Variants in CSGALNACT1 observed in about 807,000 individuals in gnomAD.
CSGALNACT1 encodes chondroitin sulfate N-acetylgalactosaminyltransferase 1, also known as beta4GalNAcT-1.
A neutral mutation model predicts 51.0 loss-of-function variants in CSGALNACT1; 52 were observed. The observed-to-expected ratio is 1.02, with a 90% CI of 0.82 to 1.29. The LOEUF is 1.29. CSGALNACT1 is among the 50% of genes most tolerant of loss of function. The pLI is 0.00. For synonymous variants in CSGALNACT1, 341 were observed against 254.4 expected, an observed-to-expected ratio of 1.34 and a Z score of -3.24; for missense variants, 935 against 679.2, an observed-to-expected ratio of 1.38 and a Z score of -4.19.
At chr8:19,570,235 A>G (rs1395923015) in intron 3 of CSGALNACT1, among the ~76,000 whole-genome samples, 1 of 152,214 alleles carries the variant, frequency 6.6e-6, no homozygotes, top group African/African-American at 2.4e-5. Flanking sequence ...GAAAGGTAAG[A>G]AACAAAAAGT....
chr8:19,668,391 G>A (rs2059549817), intron 1 of CSGALNACT1, among the ~76,000 whole-genome samples: 2 of 151,906 alleles, frequency 1.3e-5, no homozygotes. Context: ...CATTCCACAT[G>A]AGCCTTTGTT....
intron 1 of CSGALNACT1, among the ~76,000 whole-genome samples, chr8:19,737,456 G>C (rs2064052028): frequency 6.6e-6 from 1 of 151,912 alleles, no homozygotes; most frequent in Admixed American, 6.6e-5. Context: ...CTTTCTTTTA[G>C]GAAAAAGAAA....
intron 3 of CSGALNACT1, among the ~76,000 whole-genome samples, chr8:19,533,104 T>C (rs1428974598): frequency 6.6e-6 from 1 of 152,144 alleles, no homozygotes; most frequent in Non-Finnish European, 1.5e-5. Context: ...TTAAAGCAGT[T>C]TGACGTTTTT....
intron 1 of CSGALNACT1, among the ~76,000 whole-genome samples, chr8:19,636,689 G>C (rs2056111309): frequency 6.6e-6 from 1 of 151,952 alleles, no homozygotes; most frequent in African/African-American, 2.4e-5. Flanking sequence ...TCCCCAAATG[G>C]AGTGAGAACT....
intron 4 of CSGALNACT1, among the ~76,000 whole-genome samples, chr8:19,504,481 G>T (rs2076953422): frequency 6.6e-6 from 1 of 152,170 alleles, no homozygotes; most frequent in East Asian, 1.9e-4. Flanking sequence ...CAATAGATAA[G>T]TTAAAAAGAC....
At chr8:19,583,658 A>C (rs1372577992) in intron 3 of CSGALNACT1, among the ~76,000 whole-genome samples, 1 of 152,132 alleles carries the variant, frequency 6.6e-6, no homozygotes, top group Non-Finnish European at 1.5e-5. Context: ...AACATCATCA[A>C]CCATTACTCT....
At chr8:19,734,681 C>T (rs999127687) in intron 1 of CSGALNACT1, among the ~76,000 whole-genome samples, 2 of 152,140 alleles carry the variant, frequency 1.3e-5, no homozygotes, top group African/African-American at 4.8e-5. Context: ...GGCTGAATGT[C>T]TGAGAGGTCA....
chr8:19,417,366 A>G (rs1379275883), intron 8 of CSGALNACT1, among the ~76,000 whole-genome samples: 2 of 152,208 alleles, frequency 1.3e-5, no homozygotes, highest in Non-Finnish European at 2.9e-5. Context: ...GAGGGCCCCA[A>G]AGTTGAAACT....
chr8:19,464,642 CCTG>C (rs997370151), intron 4 of CSGALNACT1, among the ~76,000 whole-genome samples: 4 of 152,042 alleles, frequency 2.6e-5, no homozygotes, highest in African/African-American at 9.7e-5. Context: ...CTGAGCTCTG[CCTG>C]CTGTCAGAAT....
rs571774073 is a variant in CSGALNACT1, at chr8:19,522,763, A to G, written c.-296-16633T>C. Among the ~76,000 whole-genome samples, 93 of 152,302 alleles carry G rather than the reference A, an allele frequency of 6.1e-4. 1 individual carries two copies. In the South Asian group the frequency reaches 0.019, roughly 31 times the overall value. On this transcript the variant is annotated intron_variant, in intron 3 of 9. Transcript: ENST00000454498. The stretch of plus-strand genomic sequence containing the variant: ...CCTCCTAAGTTATTTTTAAATTGCA[A>G]TTTTCCAGTAGCTCAAAATATGATT...
intron 4 of CSGALNACT1, among the ~76,000 whole-genome samples, chr8:19,468,452 A>G (rs892859861): frequency 5.9e-5 from 9 of 152,144 alleles, no homozygotes; most frequent in Non-Finnish European, 8.8e-5. Context: ...GTCCTAGAGG[A>G]AAGGGGAGCC....
intron 3 of CSGALNACT1, among the ~76,000 whole-genome samples, chr8:19,584,095 C>A (rs776501473): frequency 5.9e-5 from 9 of 152,164 alleles, no homozygotes; most frequent in Admixed American, 2.6e-4. Context: ...ACTGAAGTAA[C>A]AAAGTAAGTA....
intron 4 of CSGALNACT1, among the ~76,000 whole-genome samples, chr8:19,490,324 AAG>A (rs1180655522): frequency 2.6e-5 from 4 of 152,200 alleles, no homozygotes; most frequent in Non-Finnish European, 5.9e-5. Context: ...AAGAGAGGAA[AAG>A]AGAGAGACAG....
chr8:19,465,790 G>A lies in CSGALNACT1; in HGVS notation c.635-7148C>T, dbSNP rs75407956. The stretch of plus-strand genomic sequence containing the variant: ...ACCATTTCACAGATGAGCAAAATGA[G>A]ACCCAGAGAAGATGTGATACGCTTG... On this transcript the variant is annotated intron_variant, in intron 4 of 9. Coordinates refer to ENST00000454498, the Ensembl canonical transcript of CSGALNACT1. Among the ~76,000 whole-genome samples the A allele has an allele frequency of 7.7e-3, 1,169 of 152,288 alleles. 41 individuals are homozygous for A. In the East Asian group the frequency reaches 0.13, roughly 17 times the overall value.
At chr8:19,441,322 C>T (rs76076300) in intron 5 of CSGALNACT1, among the ~76,000 whole-genome samples, 55,358 of 152,012 alleles carry the variant, frequency 0.36, 10,591 homozygotes, top group East Asian at 0.64. Context: ...CAAACTATAC[C>T]ACAAGGCTAC....
At chr8:19,686,494 C>A (rs553444752), upstream of CSGALNACT1, among the ~76,000 whole-genome samples, 18 of 152,300 alleles carry the variant, frequency 1.2e-4, no homozygotes, top group African/African-American at 4.1e-4. Context: ...CAGTGAAATG[C>A]ACCCAGCTGG....
intron 3 of CSGALNACT1, among the ~76,000 whole-genome samples, chr8:19,573,187 T>A (rs748840041): frequency 3.3e-5 from 5 of 152,214 alleles, no homozygotes; most frequent in African/African-American, 4.8e-5. Context: ...CCTCTCCTCA[T>A]CCAGCTGTAC....
chr8:19,569,231 A>G (rs2042503267), intron 3 of CSGALNACT1, among the ~76,000 whole-genome samples: 1 of 152,210 alleles, frequency 6.6e-6, no homozygotes, highest in Non-Finnish European at 1.5e-5. Flanking sequence ...GATGCTACAG[A>G]CAAGCATAAT....
intron 1 of CSGALNACT1, among the ~76,000 whole-genome samples, chr8:19,624,424 T>A (rs1427271738): frequency 6.6e-6 from 1 of 152,170 alleles, no homozygotes; most frequent in African/African-American, 2.4e-5. Flanking sequence ...CATAAAGCAT[T>A]TAGAACATAG....
Sources: allele counts gnomAD v4.1 joint callset (sites outside exome capture counted in the v4.1 genomes callset), GRCh38; gene constraint gnomAD v4.1.1; transcripts MANE v1.5; gene names NCBI Gene and HGNC (gene_info 2026-07-23, HGNC 2026-07-21).